Variants in ERP44 observed in about 807,000 individuals in gnomAD.
The protein encoded by ERP44 is endoplasmic reticulum resident protein 44.
In ERP44, 25 loss-of-function variants were observed where a neutral mutation model predicts 53.4. That is an observed-to-expected ratio of 0.47 (90% CI 0.34 to 0.65). ERP44 has a LOEUF of 0.65. Ranked by LOEUF, ERP44 falls within the 30% of genes least tolerant of loss-of-function variation. ERP44 has a pLI of 0.01. For synonymous variants in ERP44, 145 were observed against 161.2 expected, an observed-to-expected ratio of 0.90 and a Z score of 0.76; for missense variants, 338 against 493.2, an observed-to-expected ratio of 0.69 and a Z score of 2.98.
intron 1 of ERP44, among the ~76,000 whole-genome samples, chr9:100,088,457 C>T (rs189251517): frequency 3.0e-4 from 46 of 152,298 alleles, no homozygotes; most frequent in Middle Eastern, 3.4e-3. Context: ...TCAAGGCTCA[C>T]CTGTCCCGTG....
chr9:100,081,899 G>A (rs1471099120), intron 1 of ERP44, among the ~76,000 whole-genome samples: 1 of 152,008 alleles, frequency 6.6e-6, no homozygotes, highest in Non-Finnish European at 1.5e-5. Flanking sequence ...TCACATAACT[G>A]CATACATGAC....
chr9:99,983,863 C>A (rs1292236409), intron 11 of ERP44, among the ~76,000 whole-genome samples: 2 of 152,108 alleles, frequency 1.3e-5, no homozygotes, highest in African/African-American at 4.8e-5. Context: ...ATAAAACAAA[C>A]ATTTATTTGG....
intron 8 of ERP44, among the ~76,000 whole-genome samples, chr9:100,008,427 AT>A (rs574878402): frequency 7.5e-4 from 115 of 152,340 alleles, no homozygotes; most frequent in Admixed American, 1.5e-3. Flanking sequence ...ATTAAATAAA[AT>A]GTGATATGTA....
rs1460437335 is a variant in ERP44, at chr9:100,069,881, G to GTTA, written c.58-9712_58-9710dup. ...GCATGAATTTCCATTAAAAACTGAT[G>GTTA]TTATCTGTGTTTCGTTCTTCAGCGT... On this transcript the variant is annotated intron_variant, in intron 1 of 11. Transcript: ENST00000262455. 5.3e-5 allele frequency among the ~76,000 whole-genome samples: 8 copies of GTTA among 152,224 alleles called. No individual in the cohort carries two copies. The East Asian group carries it at 1.5e-3, about 29-fold the overall frequency.
intron 4 of ERP44, among the ~76,000 whole-genome samples, chr9:100,029,692 C>T (rs1244184562): frequency 1.3e-5 from 2 of 152,150 alleles, no homozygotes; most frequent in Non-Finnish European, 2.9e-5. Context: ...AAAAGGAAAT[C>T]AGTATAGCAA....
chr9:100,054,757 A>G (rs1208583540), intron 3 of ERP44, among the ~76,000 whole-genome samples: 1 of 152,170 alleles, frequency 6.6e-6, no homozygotes. Flanking sequence ...GGGATACTCA[A>G]CCTGTACCAA....
At chr9:100,032,707 C>A (rs1825805145) in intron 4 of ERP44, among the ~76,000 whole-genome samples, 1 of 152,136 alleles carries the variant, frequency 6.6e-6, no homozygotes, top group African/African-American at 2.4e-5. Flanking sequence ...TAGTGGCTGT[C>A]CTAAGACTTT....
At chr9:100,047,249 G>A (rs1825981817) in intron 4 of ERP44, among the ~76,000 whole-genome samples, 1 of 152,148 alleles carries the variant, frequency 6.6e-6, no homozygotes, top group South Asian at 2.1e-4. Context: ...CAGTAAGACT[G>A]CACCAACATT....
chr9:100,049,269 G>A (rs1289533811), intron 4 of ERP44, among the ~76,000 whole-genome samples: 1 of 152,108 alleles, frequency 6.6e-6, no homozygotes, highest in Non-Finnish European at 1.5e-5. Context: ...AATTAGCTGG[G>A]TGTGGTGGCA....
chr9:99,982,599 GTTT>G lies in ERP44; in HGVS notation c.*10_*12del. On this transcript the variant is annotated 3_prime_UTR_variant, in exon 12 of 12. Transcript: ENST00000262455. ...GCTGCTGTTGAAAGGCTTACAAACT[GTTT>G]TTCAAGTTTTTAAAGCTCATCTCGA... 6.3e-6 allele frequency: 9 copies of G among 1,438,740 alleles called. No individual in the cohort carries two copies. The highest frequency in any genetic ancestry group is 8.4e-6 in the Non-Finnish European group (9 of 1,067,506). The allele number at this position is 1,438,740 out of a possible 1,614,324, so 89.1% of individuals were successfully genotyped here. A position where few individuals can be genotyped will look rare whatever the true frequency, so the allele number is the denominator to read the frequency against.
At chr9:100,096,847 C>T (rs909076038) in intron 1 of ERP44, among the ~76,000 whole-genome samples, 12 of 151,992 alleles carry the variant, frequency 7.9e-5, no homozygotes, top group African/African-American at 2.9e-4. Flanking sequence ...TATTAGACAG[C>T]GAGAATACTG....
chr9:100,081,523 TA>T (rs565163693), intron 1 of ERP44, among the ~76,000 whole-genome samples: 106 of 147,664 alleles, frequency 7.2e-4, no homozygotes, highest in South Asian at 2.8e-3. Flanking sequence ...ACAGATCAAG[TA>T]AAAAAAAAAC....
intron 1 of ERP44, among the ~76,000 whole-genome samples, chr9:100,063,092 A>AAAAAAAAAAAAAAAAAAAAAG (rs773290883): frequency 2.8e-4 from 41 of 145,258 alleles, no homozygotes; most frequent in African/African-American, 4.7e-4. Flanking sequence ...AAAAAAAAAA[A>AAAAAAAAAAAAAAAAAAAAAG]AGAGAGAGAG....
At chr9:99,998,636 C>T (rs1830341854) in intron 10 of ERP44, 1 of 766,668 alleles carries the variant, frequency 1.3e-6, no homozygotes, top group Non-Finnish European at 2.4e-6. Flanking sequence ...TTCTTGAGAT[C>T]TCTCCACATC....
intron 4 of ERP44, among the ~76,000 whole-genome samples, chr9:100,042,341 A>T (rs1004330461): frequency 6.6e-6 from 1 of 152,240 alleles, no homozygotes; most frequent in African/African-American, 2.4e-5. Context: ...AAGAAATGCA[A>T]ATCAAAACTA....
intron 2 of ERP44, 84 bp downstream of exon 2, chr9:100,060,016 T>C (rs1826125712): frequency 8.7e-7 from 1 of 1,155,724 alleles, no homozygotes; most frequent in Non-Finnish European, 1.1e-6. Flanking sequence ...CTAACTGAGA[T>C]TTTATTGGGT....
chr9:100,013,422 T>TG (rs893099151), intron 8 of ERP44, among the ~76,000 whole-genome samples: 1 of 141,800 alleles, frequency 7.1e-6, no homozygotes, highest in Non-Finnish European at 1.5e-5. Context: ...CATCTAAGAG[T>TG]GAAAAAAAAA....
chr9:100,048,667 C>T (rs950761729), intron 4 of ERP44, among the ~76,000 whole-genome samples: 8 of 152,086 alleles, frequency 5.3e-5, no homozygotes, highest in Non-Finnish European at 7.4e-5. Context: ...ATACATACCA[C>T]GAAATATTAT....
intron 10 of ERP44, among the ~76,000 whole-genome samples, chr9:100,002,915 C>T (rs1289113075): frequency 6.6e-6 from 1 of 151,986 alleles, no homozygotes; most frequent in African/African-American, 2.4e-5. Context: ...CTTTATTTCT[C>T]CTTTCTCCTT....
Sources: allele counts gnomAD v4.1 joint callset (sites outside exome capture counted in the v4.1 genomes callset), GRCh38; gene constraint gnomAD v4.1.1; transcripts MANE v1.5; gene names NCBI Gene and HGNC (gene_info 2026-07-23, HGNC 2026-07-21).